The following ARAP2 variants were observed in gnomAD, a reference collection of about 807,000 sequenced individuals.
ARAP2 encodes the protein arf-GAP with Rho-GAP domain, ANK repeat and PH domain-containing protein 2.
In ARAP2, 148 loss-of-function variants were observed where a neutral mutation model predicts 194.5. That is an observed-to-expected ratio of 0.76 (90% CI 0.67 to 0.87). ARAP2 has a LOEUF of 0.87. Ranked by LOEUF, ARAP2 falls within the 40% of genes least tolerant of loss-of-function variation. The probability of loss-of-function intolerance (pLI) is 0.00; values close to 1 mark genes in which losing one functional copy is unlikely to be tolerated. For missense variants in ARAP2, 2,128 were observed against 1,989.7 expected (o/e 1.07, Z -1.32); for synonymous variants, 695 against 683.5 (o/e 1.02, Z -0.26).
chr4:36,244,624 C>T (rs1453201357), upstream of ARAP2: 1 of 151,968 alleles, frequency 6.6e-6, no homozygotes, highest in Non-Finnish European at 1.5e-5. Context: ...GGGTGACTGA[C>T]TCAGACCGCC....
rs192299397 is a variant in ARAP2, at chr4:36,114,268, G to T, written c.4058C>A (p.Ala1353Glu). 72 of 1,584,018 alleles carry T rather than the reference G, an allele frequency of 4.5e-5. No individual in the cohort carries two copies. The East Asian group carries it at 1.6e-3, about 36-fold the overall frequency. Reference protein sequence around the residue: ...IIIRISPVMEAEELTNDILAI... With the variant: ...IIIRISPVMEEEELTNDILAI... Reference sequence around the variant, plus strand: ...TAATATATCATTAGTTAATTCTTCTGCTTCCATCACAGGAGATATCTGTAA... The same window carrying T: ...TAATATATCATTAGTTAATTCTTCTTCTTCCATCACAGGAGATATCTGTAA... The change falls in exon 26 of 33, where the codon GCA (alanine) becomes GAA (glutamate). Residue 1353 changes from alanine to glutamate, a missense_variant. Transcript: ENST00000303965.
At chr4:36,122,454 G>A (rs188739748) in intron 22 of ARAP2, among the ~76,000 whole-genome samples, 2 of 151,914 alleles carry the variant, frequency 1.3e-5, no homozygotes, top group South Asian at 2.1e-4. Flanking sequence ...ATGAGATCAC[G>A]TCCTTTGCAG....
Position 36,136,783 on chromosome 4 carries a change from A to G in ARAP2, c.3264-3394T>C, listed in dbSNP as rs73809120. ...ACAAACCAGTCTAAGAATCAAATAT[A>G]TGTGTGTGTGTGTGTGTGTGTGTGT... On this transcript the variant is annotated intron_variant, in intron 19 of 32. Coordinates refer to ENST00000303965, the MANE Select transcript of ARAP2 (RefSeq NM_015230.4). Among the ~76,000 whole-genome samples the G allele has an allele frequency of 3.8e-3, 552 of 143,896 alleles. 4 individuals carry two copies. The highest frequency in any genetic ancestry group is 0.012 in the African/African-American group (437 of 37,902). 94.4% of individuals were successfully genotyped at this position (143,896 alleles called of 152,430 possible).
intron 5 of ARAP2, among the ~76,000 whole-genome samples, chr4:36,026,220 TTCTC>T (rs977150811): frequency 1.3e-4 from 20 of 152,304 alleles, no homozygotes; most frequent in African/African-American, 4.8e-4. Flanking sequence ...GAATTCAGTA[TTCTC>T]TCTTAGAATT....
At chr4:36,086,859 C>T (rs1020904490) in intron 28 of ARAP2, among the ~76,000 whole-genome samples, 3 of 152,088 alleles carry the variant, frequency 2.0e-5, no homozygotes, top group South Asian at 4.1e-4. Flanking sequence ...AACCTCTCCC[C>T]TTTTATGTAA....
Position 36,122,538 on chromosome 4 carries a change from C to T in ARAP2, c.3747-1212G>A, listed in dbSNP as rs370545615. ...AACAGAAAACCAAATACTGTATATT[C>T]TCACTTATAAGTGGGAGCTAAATGA... On this transcript the variant is annotated intron_variant, in intron 22 of 32. Transcript: ENST00000303965. 2.3e-4 allele frequency among the ~76,000 whole-genome samples: 35 copies of T among 151,924 alleles called. 1 individual carries two copies. The South Asian group carries it at 7.0e-3, about 31-fold the overall frequency.
In ARAP2 at chr4:36,028,824, T is replaced by C. The variant is rs555939126; in HGVS notation, n.608-9538A>G. Among the ~76,000 whole-genome samples, 89 of 152,176 alleles carry C rather than the reference T, an allele frequency of 5.8e-4. 1 individual carries two copies. The South Asian group carries it at 6.8e-3, about 12-fold the overall frequency. On this transcript the variant is annotated intron_variant and non_coding_transcript_variant, in intron 5 of 12. Coordinates refer to the ARAP2 transcript ENST00000503225. ...TTTTGGAAATTTTACTATTTTTATT[T>C]ACAAATTTTATTTCTGTTTTATCTT...
chr4:36,106,344 T>G (rs755752841), intron 27 of ARAP2, among the ~76,000 whole-genome samples: 2 of 152,014 alleles, frequency 1.3e-5, no homozygotes, highest in Non-Finnish European at 2.9e-5. Flanking sequence ...TCGGAAAGGC[T>G]ACATTTCTAC....
chr4:36,161,330 C>A, intron 12 of ARAP2, 135 bp downstream of exon 12: 1 of 639,418 alleles, frequency 1.6e-6, no homozygotes, highest in Non-Finnish European at 2.8e-6. Flanking sequence ...CTATAAGCCA[C>A]TTCCATAATG....
At chr4:36,233,367 A>C (rs1437873010) in intron 1 of ARAP2, among the ~76,000 whole-genome samples, 4 of 146,142 alleles carry the variant, frequency 2.7e-5, no homozygotes, top group African/African-American at 1.0e-4. Context: ...TCTTCTGTAC[A>C]TCAACAACTG....
intron 7 of ARAP2, among the ~76,000 whole-genome samples, chr4:36,190,545 T>C (rs184687317): frequency 7.4e-4 from 112 of 152,360 alleles, no homozygotes; most frequent in African/African-American, 2.5e-3. Context: ...GAGGCTCCAC[T>C]GAGCCTATAC....
intron 19 of ARAP2, among the ~76,000 whole-genome samples, chr4:36,141,095 A>G (rs1323855805): frequency 1.3e-5 from 2 of 151,660 alleles, no homozygotes; most frequent in Non-Finnish European, 1.5e-5. Context: ...AAGTGCAAAA[A>G]TAGTTCTCAA....
intron 9 of ARAP2, among the ~76,000 whole-genome samples, chr4:36,011,256 C>A (rs1714490881): frequency 6.6e-6 from 1 of 152,080 alleles, no homozygotes; most frequent in Admixed American, 6.6e-5. Context: ...CCTCAACCAC[C>A]ATTACACGTT....
chr4:36,209,021 T>G (rs1746162724), intron 6 of ARAP2, among the ~76,000 whole-genome samples: 2 of 152,060 alleles, frequency 1.3e-5, no homozygotes, highest in Admixed American at 1.3e-4. Flanking sequence ...ATAGTGAAAC[T>G]TTCTGAATGT....
At chr4:36,209,539 G>T (rs1361886283) in intron 6 of ARAP2, 2 of 308,928 alleles carry the variant, frequency 6.5e-6, no homozygotes, top group South Asian at 5.3e-5. Context: ...GCTTCTGGTA[G>T]TTTTTTTTTC....
intron 2 of ARAP2, among the ~76,000 whole-genome samples, chr4:36,054,707 T>C (rs760841099): frequency 1.3e-5 from 2 of 152,062 alleles, no homozygotes; most frequent in Non-Finnish European, 2.9e-5. Flanking sequence ...CAAAATAACA[T>C]TAAACAAAAA....
intron 7 of ARAP2, among the ~76,000 whole-genome samples, chr4:36,193,329 G>C (rs1742360884): frequency 6.6e-6 from 1 of 152,166 alleles, no homozygotes; most frequent in Non-Finnish European, 1.5e-5. Context: ...AATTATGTTA[G>C]ATTATGAGCT....
chr4:36,147,793 A>T (rs761236913), intron 17 of ARAP2, 47 bp from the exon 18 acceptor site: 1 of 1,457,752 alleles, frequency 6.9e-7, no homozygotes, highest in South Asian at 1.3e-5. Context: ...GAAAATAGGA[A>T]ATCCCTTCCC....
At chr4:36,075,621 T>G (rs553369245) in intron 31 of ARAP2, among the ~76,000 whole-genome samples, 2 of 152,244 alleles carry the variant, frequency 1.3e-5, no homozygotes, top group East Asian at 3.9e-4. Context: ...ACCACTTCCC[T>G]CATTGCCTGG....
Sources: gnomAD v4.1 joint callset for allele counts (sites outside exome capture counted in the v4.1 genomes callset) on GRCh38, gnomAD v4.1.1 for gene constraint, MANE v1.5 for transcripts, NCBI Gene and HGNC (gene_info 2026-07-23, HGNC 2026-07-21) for gene names.